Variants in LLGL2 observed in about 807,000 individuals in gnomAD.
LLGL2 encodes LLGL scribble cell polarity complex component 2, also known as LLGL2, scribble cell polarity complex component.
Under a neutral mutation model 123.2 loss-of-function variants are expected in LLGL2, and 81 were observed. The ratio of observed to expected loss-of-function variants is 0.66; its 90% CI spans 0.55 to 0.79. The LOEUF (loss-of-function observed/expected upper bound fraction) is 0.79. Ranked by LOEUF, LLGL2 falls within the 30% of genes least tolerant of loss-of-function variation. The pLI is 0.00. For missense variants in LLGL2, 1,273 were observed against 1,414.6 expected (o/e 0.90, Z 1.61); for synonymous variants, 577 against 594.1 (o/e 0.97, Z 0.42).
At chr17:75,554,694 C>A (rs2054824515) in intron 2 of LLGL2, among the ~76,000 whole-genome samples, 1 of 150,622 alleles carries the variant, frequency 6.6e-6, no homozygotes, top group Non-Finnish European at 1.5e-5. Context: ...TCGAGACCAT[C>A]CTGGCTAACA....
intron 10 of LLGL2, among the ~76,000 whole-genome samples, chr17:75,567,684 G>A (rs1234309169): frequency 2.0e-5 from 3 of 151,832 alleles, no homozygotes; most frequent in Non-Finnish European, 4.4e-5. Context: ...GCTCATGCCT[G>A]TAATCCCAGC....
rs1215932700 is a variant in LLGL2 at position 75,564,325 on chromosome 17, C to T, written c.882-28C>T. Reference sequence around the variant, plus strand: ...GTTGAGGCTGTGCCAGGAGCCCCAGCCCACTGCCGCTCCTCTGTGCCTGCC... The same window carrying T: ...GTTGAGGCTGTGCCAGGAGCCCCAGTCCACTGCCGCTCCTCTGTGCCTGCC... On this transcript the variant is annotated intron_variant, in intron 9 of 25. Transcript: ENST00000392550. The surrounding 1 kb of genome is among the most constrained non-coding windows in gnomAD (Gnocchi z 4.9). The T allele has an allele frequency of 1.9e-6, 3 of 1,583,826 alleles. No individual in the cohort carries two copies. Among genetic ancestry groups the T allele is most frequent in the Middle Eastern group, 3.4e-4 (2 of 5,930 alleles).
At chr17:75,573,434 C>T in intron 20 of LLGL2, 47 bp from the exon 21 acceptor site, 1 of 1,587,398 alleles carries the variant, frequency 6.3e-7, no homozygotes. Flanking sequence ...GGGAGGCAGC[C>T]TTGGCAGCCG....
In LLGL2 at chr17:75,525,729, C is replaced by T. The variant is rs1463850956; in HGVS notation, c.-127C>T. 2 of 150,802 alleles carry T rather than the reference C, an allele frequency of 1.3e-5. No homozygotes were observed. The highest frequency in any genetic ancestry group is 2.4e-5 in the African/African-American group (1 of 41,276). The allele number at this position is 150,802 out of a possible 1,614,324, so 9.3% of individuals were successfully genotyped here. A position where few individuals can be genotyped will look rare whatever the true frequency, so the allele number is the denominator to read the frequency against. ...AGGTGAGCAGGAAGGAGACGGCCGC[C>T]CAGCAGCCCGTGGGCAGGCGCGGCG... On this transcript the variant is annotated 5_prime_UTR_variant, in exon 1 of 26. Coordinates refer to ENST00000392550, the MANE Select transcript of LLGL2 (RefSeq NM_001031803.2). The surrounding 1 kb of genome is among the most constrained non-coding windows in gnomAD (Gnocchi z 4.8).
rs1474880213 is a variant in LLGL2 at position 75,558,116 on chromosome 17, G to C, written c.174-39G>C. The C allele has an allele frequency of 6.3e-7, 1 of 1,594,900 alleles. No homozygotes were observed. Reference sequence around the variant, plus strand: ...TGGCACTCAAGGCAGGCAGGGGATGGTGTCCGACCTTCCAGAGCTTTCCTG... The same window carrying C: ...TGGCACTCAAGGCAGGCAGGGGATGCTGTCCGACCTTCCAGAGCTTTCCTG... On this transcript the variant is annotated intron_variant, in intron 3 of 25. Transcript: ENST00000392550. This position sits in a 1 kb window ranked among gnomAD's most constrained non-coding sequence, Gnocchi z 4.0.
intron 2 of LLGL2, among the ~76,000 whole-genome samples, chr17:75,554,686 G>A (rs576307916): frequency 2.0e-5 from 3 of 151,532 alleles, no homozygotes; most frequent in South Asian, 4.2e-4. Context: ...TGGGCGGATC[G>A]AGACCATCCT....
intron 23 of LLGL2, 91 bp downstream of exon 23, chr17:75,574,351 C>T (rs1241236203): frequency 2.0e-5 from 30 of 1,527,514 alleles, no homozygotes; most frequent in Middle Eastern, 2.3e-4. Flanking sequence ...TGCCCTGAGG[C>T]GGGGTACAGA....
At chr17:75,539,576 CCT>C (rs1373826274) in intron 1 of LLGL2, among the ~76,000 whole-genome samples, 1 of 150,700 alleles carries the variant, frequency 6.6e-6, no homozygotes, top group African/African-American at 2.4e-5. Flanking sequence ...ATAGTCCTGA[CCT>C]CTGTCAGAAA....
chr17:75,573,656 TCC>T, intron 21 of LLGL2, 25 bp downstream of exon 21: 1 of 1,429,124 alleles, frequency 7.0e-7, no homozygotes, highest in Non-Finnish European at 9.3e-7. Flanking sequence ...CAGAGGCCTC[TCC>T]CGCCCCTCCC....
At chr17:75,546,145 A>C (rs1410306470) in intron 2 of LLGL2, 3 of 152,444 alleles carry the variant, frequency 2.0e-5, no homozygotes, top group Non-Finnish European at 4.4e-5. Context: ...GCGGGTGTGC[A>C]GGATGACCGT....
chr17:75,574,752 C>A, intron 25 of LLGL2, 84 bp downstream of exon 25: 1 of 1,594,896 alleles, frequency 6.3e-7, no homozygotes, highest in Non-Finnish European at 8.6e-7. Flanking sequence ...CCCCTGGGTC[C>A]CACGGGGCTG....
At chr17:75,563,888 GT>G in intron 9 of LLGL2, 82 bp downstream of exon 9, 7 of 1,378,534 alleles carry the variant, frequency 5.1e-6, no homozygotes, top group Non-Finnish European at 7.2e-6. Context: ...TGCCTGGGAA[GT>G]TGGTGCCAGT....
chr17:75,534,769 C>T (rs2053938540), intron 1 of LLGL2, among the ~76,000 whole-genome samples: 1 of 152,252 alleles, frequency 6.6e-6, no homozygotes, highest in Admixed American at 6.5e-5. Context: ...GCATAAGCCA[C>T]TGAGCTTGGC....
Position 75,568,492 on chromosome 17 carries a change from T to C in LLGL2, c.1053T>C (p.Tyr351=). The C allele has an allele frequency of 1.9e-6, 3 of 1,612,918 alleles. No homozygotes were observed. Among genetic ancestry groups the C allele is most frequent in the Non-Finnish European group, 2.5e-6 (3 of 1,179,950 alleles). ...GTACCCCAGCCTTTGACGACCCCTA[T>C]GCCCTGGTGGTGCTGGCTGAGGAGG... The part of the protein sequence containing the change: ...ADPAATFDDP[Y]ALVVLAEEEL... Residue 351 remains tyrosine (Y), a synonymous_variant, in exon 11 of 26, where the codon TAT becomes TAC. Transcript: ENST00000392550.
At position 75,549,030 on chromosome 17, in the gene LLGL2, C is replaced by T. The variant is rs552705816; in HGVS notation, c.75+5529C>T. 4.5e-4 allele frequency among the ~76,000 whole-genome samples: 69 copies of T among 152,090 alleles called. No individual in the cohort carries two copies. Among genetic ancestry groups the T allele is most frequent in the African/African-American group, 1.6e-3 (65 of 41,404 alleles). On this transcript the variant is annotated intron_variant, in intron 2 of 25. Coordinates refer to ENST00000392550, the MANE Select transcript of LLGL2 (RefSeq NM_001031803.2). This position sits in a 1 kb window ranked among gnomAD's most constrained non-coding sequence, Gnocchi z 4.0. ...AGGGCTTGCACAGCTGGAGCTTATC[C>T]GGGGCAGGGGCACTGGCTGGGGTGA...
chr17:75,555,232 G>A (rs1158876210), intron 2 of LLGL2, among the ~76,000 whole-genome samples: 3 of 150,886 alleles, frequency 2.0e-5, no homozygotes, highest in Non-Finnish European at 1.5e-5. Flanking sequence ...CTCGAAGGAT[G>A]TACACTTAGG....
At chr17:75,526,227 G>A (rs976333893) in intron 1 of LLGL2, among the ~76,000 whole-genome samples, 3 of 152,228 alleles carry the variant, frequency 2.0e-5, no homozygotes, top group Non-Finnish European at 2.9e-5. Context: ...CTCCCCACGG[G>A]CGGCGGCCGG....
chr17:75,574,329 T>C, intron 23 of LLGL2, 69 bp downstream of exon 23: 1 of 1,521,030 alleles, frequency 6.6e-7, no homozygotes, highest in Non-Finnish European at 8.8e-7. Context: ...CAAGGGAGGC[T>C]GGGCAGGCCA....
rs76502707 is a variant in LLGL2, at chr17:75,538,300, G to A, written c.-30-5097G>A. Among the ~76,000 whole-genome samples, 1,346 of 152,296 alleles carry A rather than the reference G, an allele frequency of 8.8e-3. 10 individuals are homozygous for A. Among genetic ancestry groups the A allele is most frequent in the Non-Finnish European group, 0.013 (863 of 68,026 alleles). ...CCCCATCAGGTCCCTGCCTAGGACA[G>A]CTCAGGAGGCCCACTTTGTCATCTC... is the stretch of plus-strand genomic sequence containing the variant. On this transcript the variant is annotated intron_variant, in intron 1 of 25. Coordinates refer to ENST00000392550, the MANE Select transcript of LLGL2 (RefSeq NM_001031803.2).
Sources: allele counts gnomAD v4.1 joint callset (sites outside exome capture counted in the v4.1 genomes callset), GRCh38; gene constraint gnomAD v4.1.1; non-coding constraint Gnocchi (gnomAD v3.1); transcripts MANE v1.5; gene names NCBI Gene and HGNC (gene_info 2026-07-23, HGNC 2026-07-21).